Variants in KCNH3 observed in about 807,000 individuals in gnomAD.
The protein encoded by KCNH3 is potassium voltage-gated channel subfamily H member 3.
A neutral mutation model predicts 95.6 loss-of-function variants in KCNH3; 36 were observed. The ratio of observed to expected loss-of-function variants is 0.38; its 90% CI spans 0.29 to 0.50. KCNH3 has a LOEUF of 0.50. Among genes scored for constraint, KCNH3 ranks in the 20% least tolerant of loss-of-function variants. The pLI, the probability that KCNH3 is intolerant of heterozygous loss-of-function variation, is 0.95. For synonymous variants in KCNH3, 620 were observed against 646.3 expected (o/e 0.96, Z 0.62); for missense variants, 1,030 against 1,484.1 (o/e 0.69, Z 5.03).
chr12:49,554,546 T>G lies in KCNH3; in HGVS notation c.2128T>G (p.Ser710Ala). ...CTACAACCTGGGTGCTGGGGGAGGC[T>G]CTGCAGAGGTGAGTGTGCTGAGTAT... ...LSYNLGAGGG[S>A]AEVDTSSLSG... is the part of the protein sequence containing the mutation. Residue 710 changes from serine (S) to alanine (A), a missense_variant, in exon 11 of 15, where the codon TCT becomes GCT. Transcript: ENST00000257981. 6.2e-7 allele frequency: 1 copy of G among 1,612,078 alleles called. No individual in the cohort carries two copies.
At position 49,541,624 on chromosome 12, in the gene KCNH3, G is replaced by GC. The variant is rs1159822946; in HGVS notation, c.311-3dup. ...GGAGGTGGGCTGAGTTTGTTTTTGT[G>GC]CCCAGGGCTCCCGTTCTGGTGTCTC... is the stretch of plus-strand genomic sequence containing the variant. On this transcript the variant is annotated splice_region_variant and splice_polypyrimidine_tract_variant and intron_variant, in intron 2 of 14. Coordinates refer to ENST00000257981, the MANE Select transcript of KCNH3 (RefSeq NM_012284.3). The GC allele has an allele frequency of 1.2e-6, 2 of 1,613,806 alleles. No individual in the cohort carries two copies. Among genetic ancestry groups the GC allele is most frequent in the East Asian group, 4.5e-5 (2 of 44,874 alleles).
chr12:49,541,075 A>G lies in KCNH3; in HGVS notation c.253A>G (p.Lys85Glu). The G allele has an allele frequency of 6.2e-7, 1 of 1,612,146 alleles. No homozygotes were observed. The highest frequency in any genetic ancestry group is 8.5e-7 in the Non-Finnish European group (1 of 1,180,024). ...TSELVRQQIRKALDEHKEFKA... is the reference protein window; with the variant it reads ...TSELVRQQIREALDEHKEFKA... Reference sequence around the variant, plus strand: ...TGAGCTCGTCCGCCAACAGATCCGCAAGGCCCTGGACGAGCACAAGGAGTT... The same window carrying G: ...TGAGCTCGTCCGCCAACAGATCCGCGAGGCCCTGGACGAGCACAAGGAGTT... Residue 85 changes from lysine (K) to glutamate (E), a missense_variant, in exon 2 of 15, where the codon AAG (lysine) becomes GAG (glutamate). Lys to Glu is a moderately conservative substitution (Grantham distance 56). Around this residue, in one of 9 missense-constraint regions of KCNH3, gnomAD observed 63 missense variants for 107.7 expected, o/e 0.59. Transcript: ENST00000257981.
At chr12:49,546,963 C>T (rs1217426400) in intron 7 of KCNH3, among the ~76,000 whole-genome samples, 1 of 152,202 alleles carries the variant, frequency 6.6e-6, no homozygotes, top group East Asian at 1.9e-4. Context: ...GGCGCAATCT[C>T]GGCTCACTGC....
rs1391681282 is a variant in KCNH3, at chr12:49,550,107, C to T, written c.1696C>T (p.Arg566Cys). Residue 566 changes from arginine (R) to cysteine (C), a missense_variant, in exon 10 of 15, where the codon CGC becomes TGC. By Grantham distance (180) the Arg-to-Cys change is radical (BLOSUM62 -3). Around this residue, in one of 9 missense-constraint regions of KCNH3, gnomAD observed 160 missense variants for 316.2 expected, o/e 0.51. Transcript: ENST00000257981. Reference sequence around the variant, plus strand: ...GCTGCAGAGCCTCCCTGACGAGCTGCGCGCAGACATCGCCATGCACCTGCA... The same window carrying T: ...GCTGCAGAGCCTCCCTGACGAGCTGTGCGCAGACATCGCCATGCACCTGCA... Reference protein sequence around the residue: ...ELLQSLPDELRADIAMHLHKE... With the variant: ...ELLQSLPDELCADIAMHLHKE... 6 of 1,484,960 alleles carry T rather than the reference C, an allele frequency of 4.0e-6. No homozygotes were observed. The highest frequency in any genetic ancestry group is 3.0e-5 in the East Asian group (1 of 32,812). 92.0% of individuals were successfully genotyped at this position (1,484,960 alleles called of 1,614,324 possible). A position where few individuals can be genotyped will look rare whatever the true frequency, so the allele number is the denominator to read the frequency against.
intron 3 of KCNH3, 66 bp downstream of exon 3, chr12:49,541,830 C>A (rs753632008): frequency 3.6e-4 from 560 of 1,577,298 alleles, no homozygotes; most frequent in Non-Finnish European, 4.6e-4. Context: ...GCCTTGGCAC[C>A]CAGTCTGAGT....
rs558787637 is a variant in KCNH3 at position 49,548,874 on chromosome 12, G to A, written c.1190-21G>A. ...GCCCACAGTCTTCCTGCCTGCTCAG[G>A]CCCTGCTGTTCCCCCCTCAGGCTGG... On this transcript the variant is annotated intron_variant, in intron 7 of 14. Transcript: ENST00000257981. 5.2e-6 allele frequency: 8 copies of A among 1,543,260 alleles called. No individual in the cohort carries two copies. The South Asian group carries it at 8.4e-5, about 16-fold the overall frequency.
intron 7 of KCNH3, chr12:49,546,146 G>C (rs1349555564): frequency 6.6e-6 from 1 of 152,150 alleles, no homozygotes; most frequent in Admixed American, 6.5e-5. Flanking sequence ...AGGGGTTGCT[G>C]ATCTGACATT....
At position 49,558,003 on chromosome 12, in the gene KCNH3, C is replaced by A. The variant is rs771641967; in HGVS notation, c.*50C>A. 2 of 1,430,850 alleles carry A rather than the reference C, an allele frequency of 1.4e-6. No homozygotes were observed. The highest frequency in any genetic ancestry group is 1.9e-5 in the South Asian group (1 of 53,720). 88.6% of individuals were successfully genotyped at this position (1,430,850 alleles called of 1,614,324 possible). ...GCCAGGTGTGCTGCCATCTGCTGTT[C>A]GGCCCAACCTCAGAGTGAAGGCAGG... On this transcript the variant is annotated 3_prime_UTR_variant, in exon 15 of 15. Coordinates refer to ENST00000257981, the MANE Select transcript of KCNH3 (RefSeq NM_012284.3).
chr12:49,555,849 G>C lies in KCNH3; in HGVS notation c.2366G>C (p.Gly789Ala). Residue 789 changes from glycine (G) to alanine (A), a missense_variant, in exon 12 of 15, where the codon GGG becomes GCG. Coordinates refer to ENST00000257981, the MANE Select transcript of KCNH3 (RefSeq NM_012284.3). ...GGCAGAGGGAGGCCAGGCAGGGCAG[G>C]GGCTTTGAAGGCTGAGGCTGGCCCC... The part of the protein sequence containing the change: ...LGGRGRPGRA[G>A]ALKAEAGPSA... The C allele has an allele frequency of 1.2e-6, 2 of 1,612,514 alleles. No homozygotes were observed. Among genetic ancestry groups the C allele is most frequent in the Non-Finnish European group, 1.7e-6 (2 of 1,179,524 alleles).
At chr12:49,551,778 C>A (rs1020749955) in intron 10 of KCNH3, among the ~76,000 whole-genome samples, 1 of 151,332 alleles carries the variant, frequency 6.6e-6, no homozygotes, top group Admixed American at 6.6e-5. Context: ...TGTAGATTCA[C>A]TGTGGGGACT....
intron 10 of KCNH3, among the ~76,000 whole-genome samples, chr12:49,551,267 G>A (rs1357222259): frequency 1.3e-5 from 2 of 152,088 alleles, no homozygotes; most frequent in African/African-American, 2.4e-5. Context: ...GGAAACATGG[G>A]GCTGTGTCTG....
Position 49,539,443 on chromosome 12 carries a change from G to C in KCNH3, c.27G>C (p.Ala9=). The change falls in exon 1 of 15, where the codon GCG becomes GCC. Residue 9 remains alanine (A), a synonymous_variant. Transcript: ENST00000257981. This position sits in a 1 kb window ranked among gnomAD's most constrained non-coding sequence, Gnocchi z 6.7. The part of the protein sequence containing the change: MPAMRGLL[A]PQNTFLDTIA... ...TGCCGGCCATGCGGGGCCTCCTGGCGCCGCAGAACACCTTCCTGGACACCA... is the reference window on the plus strand; with the variant it reads ...TGCCGGCCATGCGGGGCCTCCTGGCCCCGCAGAACACCTTCCTGGACACCA... 6.4e-7 allele frequency: 1 copy of C among 1,568,450 alleles called. No individual in the cohort carries two copies. The highest frequency in any genetic ancestry group is 8.6e-7 in the Non-Finnish European group (1 of 1,160,734).
Position 49,555,926 on chromosome 12 carries a change from A to C in KCNH3, c.2443A>C (p.Asn815His). ...EGLRLPPMPW[N>H]VPPDLSPRVV... is the part of the protein sequence containing the mutation. ...GCTACGGCTGCCCCCCATGCCATGG[A>C]ATGTGCCCCCAGATCTGAGCCCCAG... Residue 815 changes from asparagine (N) to histidine (H), a missense_variant, in exon 12 of 15, where the codon AAT (asparagine) becomes CAT (histidine). Transcript: ENST00000257981. 6.4e-7 allele frequency: 1 copy of C among 1,568,366 alleles called. No individual in the cohort carries two copies. Among genetic ancestry groups the C allele is most frequent in the South Asian group, 1.2e-5 (1 of 86,742 alleles).
In KCNH3 at chr12:49,544,236, G is replaced by A. The variant is rs760958209; in HGVS notation, c.1043G>A (p.Arg348Gln). The A allele has an allele frequency of 1.3e-6, 2 of 1,588,262 alleles. No homozygotes were observed. Among genetic ancestry groups the A allele is most frequent in the Non-Finnish European group, 1.7e-6 (2 of 1,168,824 alleles). The change falls in exon 7 of 15, where the codon CGG becomes CAG. Residue 348 changes from arginine (R) to glutamine (Q), a missense_variant. Coordinates refer to ENST00000257981, the MANE Select transcript of KCNH3 (RefSeq NM_012284.3). Reference sequence around the variant, plus strand: ...CTGCGCCTGCTGCGCCTGCTTCCGCGGCTGGACCGGTACTCGCAGTACAGC... The same window carrying A: ...CTGCGCCTGCTGCGCCTGCTTCCGCAGCTGGACCGGTACTCGCAGTACAGC... ...RLLRLLRLLP[R>Q]LDRYSQYSAV...
chr12:49,545,862 T>C (rs11169065), intron 7 of KCNH3, among the ~76,000 whole-genome samples: 33,831 of 151,970 alleles, frequency 0.22, 6,044 homozygotes, highest in African/African-American at 0.5. Context: ...TTTGAAATTT[T>C]CCCCAAGTGC....
chr12:49,547,150 C>A (rs1592502699), intron 7 of KCNH3, among the ~76,000 whole-genome samples: 1 of 152,292 alleles, frequency 6.6e-6, no homozygotes, highest in East Asian at 1.9e-4. Context: ...ACCTCGACCT[C>A]CCAAAGTGCT....
chr12:49,541,636 C>T lies in KCNH3; in HGVS notation c.317C>T (p.Pro106Leu). The change falls in exon 3 of 15, where the codon CCG becomes CTG. Residue 106 changes from proline to leucine, a missense_variant. Pro to Leu is a moderately conservative substitution (Grantham distance 98). This residue lies in a region of KCNH3 where 63 missense variants were observed against 107.7 expected (regional missense o/e 0.59). Transcript: ENST00000257981. ...AGTTTGTTTTTGTGCCCAGGGCTCC[C>T]GTTCTGGTGTCTCCTGGATGTGATA... ...ELILYRKSGL[P>L]FWCLLDVIPI... The T allele has an allele frequency of 1.2e-6, 2 of 1,614,012 alleles. No homozygotes were observed. The highest frequency in any genetic ancestry group is 1.7e-6 in the Non-Finnish European group (2 of 1,179,982).
intron 13 of KCNH3, chr12:49,556,768 G>T: frequency 1.5e-6 from 1 of 669,002 alleles, no homozygotes; most frequent in Non-Finnish European, 2.7e-6. Context: ...AAAATGGGTT[G>T]ATGTTTACGT....
chr12:49,557,024 T>G lies in KCNH3; in HGVS notation c.2576-159T>G, dbSNP rs564053413. On this transcript the variant is annotated intron_variant, in intron 13 of 14. Transcript: ENST00000257981. ...TGGTGTTTTCCCTGCCCCTGGAAGT[T>G]TGGGCAAAATTCAGCACCTTGGGCA... Among the ~76,000 whole-genome samples, 3 of 152,126 alleles carry G rather than the reference T, an allele frequency of 2.0e-5. No homozygotes were observed. In the East Asian group the frequency reaches 5.8e-4, roughly 29 times the overall value.
Sources: gnomAD v4.1 joint callset for allele counts (sites outside exome capture counted in the v4.1 genomes callset) on GRCh38, gnomAD v4.1.1 for gene constraint, gnomAD v4.1.1 regional missense constraint, Gnocchi (gnomAD v3.1) non-coding constraint, MANE v1.5 for transcripts, NCBI Gene and HGNC (gene_info 2026-07-23, HGNC 2026-07-21) for gene names.